PTPRZ1: variants seen among roughly 807,000 people sequenced by gnomAD.
The protein encoded by PTPRZ1 is receptor-type tyrosine-protein phosphatase zeta.
A neutral mutation model predicts 214.1 loss-of-function variants in PTPRZ1; 82 were observed. The observed-to-expected ratio is 0.38, with a 90% CI of 0.32 to 0.46. PTPRZ1 has a LOEUF of 0.46. PTPRZ1 is among the 20% of genes least tolerant of loss of function. The probability of loss-of-function intolerance (pLI) is 1.00; values close to 1 mark genes in which losing one functional copy is unlikely to be tolerated. For missense variants in PTPRZ1, 2,603 were observed against 2,748.7 expected (o/e 0.95, Z 1.19); for synonymous variants, 945 against 987.9 (o/e 0.96, Z 0.81).
chr7:121,994,028 C>A (rs903589324), intron 8 of PTPRZ1, among the ~76,000 whole-genome samples: 3 of 152,128 alleles, frequency 2.0e-5, no homozygotes, highest in Admixed American at 2.0e-4. Context: ...TACAGATTTA[C>A]AAGGAGGAGA....
intron 2 of PTPRZ1, among the ~76,000 whole-genome samples, chr7:121,944,425 C>T (rs775706120): frequency 5.3e-5 from 8 of 151,954 alleles, no homozygotes; most frequent in Non-Finnish European, 1.2e-4. Flanking sequence ...ATAATAATTT[C>T]CTTCTAATAT....
At chr7:121,900,169 A>G (rs1794916137) in intron 1 of PTPRZ1, among the ~76,000 whole-genome samples, 1 of 152,174 alleles carries the variant, frequency 6.6e-6, no homozygotes, top group African/African-American at 2.4e-5. Context: ...AGGAAGAAAC[A>G]TGACCAGGGA....
At chr7:121,924,267 T>C (rs537788516) in intron 1 of PTPRZ1, among the ~76,000 whole-genome samples, 1 of 152,322 alleles carries the variant, frequency 6.6e-6, no homozygotes, top group East Asian at 1.9e-4. Flanking sequence ...AGCACTTTGA[T>C]AGATTCTTTT....
chr7:121,985,052 G>A (rs1470258516), intron 8 of PTPRZ1, among the ~76,000 whole-genome samples: 2 of 151,948 alleles, frequency 1.3e-5, no homozygotes, highest in African/African-American at 2.4e-5. Flanking sequence ...TTGAAGATTA[G>A]GCATTAAAAC....
At chr7:121,949,277 C>T (rs748585671) in intron 2 of PTPRZ1, among the ~76,000 whole-genome samples, 1 of 152,272 alleles carries the variant, frequency 6.6e-6, no homozygotes, top group East Asian at 1.9e-4. Flanking sequence ...AGAGGGGTGA[C>T]TTTAATTAGA....
Position 122,040,861 on chromosome 7 carries a change from C to G in PTPRZ1, c.5683C>G (p.His1895Asp). 2 of 1,602,614 alleles carry G rather than the reference C, an allele frequency of 1.2e-6. No individual in the cohort carries two copies. Among genetic ancestry groups the G allele is most frequent in the Non-Finnish European group, 1.7e-6 (2 of 1,172,170 alleles). ...RPSGRVVTQYHYTQWPDMGVP... is the reference protein window; with the variant it reads ...RPSGRVVTQYDYTQWPDMGVP... ...CAGTGGACGTGTGGTCACACAGTAT[C>G]ACTACACGCAGTGGCCTGACATGGG... The change falls in exon 21 of 30, where the codon CAC becomes GAC. Residue 1895 changes from histidine to aspartate, a missense_variant. His to Asp is a moderately conservative substitution (Grantham distance 81). Transcript: ENST00000393386.
intron 2 of PTPRZ1, among the ~76,000 whole-genome samples, chr7:121,956,640 T>C (rs958577353): frequency 6.6e-6 from 1 of 152,268 alleles, no homozygotes; most frequent in Non-Finnish European, 1.5e-5. Context: ...GATTGCCTGA[T>C]GCATTGGTGA....
At chr7:122,029,488 A>C (rs1799308695) in intron 14 of PTPRZ1, among the ~76,000 whole-genome samples, 1 of 151,984 alleles carries the variant, frequency 6.6e-6, no homozygotes, top group Admixed American at 6.6e-5. Context: ...GTGGTCTAGA[A>C]TTGTGTGATC....
At chr7:122,042,435 C>A (rs77963794) in intron 21 of PTPRZ1, among the ~76,000 whole-genome samples, 173 bp from the exon 22 acceptor site, 1,866 of 152,272 alleles carry the variant, frequency 0.012, 19 homozygotes, top group Non-Finnish European at 0.019. Flanking sequence ...TTGTGTAAAG[C>A]ATTACGCTTA....
At chr7:121,903,770 G>A (rs1795037397) in intron 1 of PTPRZ1, among the ~76,000 whole-genome samples, 1 of 152,138 alleles carries the variant, frequency 6.6e-6, no homozygotes, top group Admixed American at 6.6e-5. Context: ...GCAAGAAGAA[G>A]AGAGTTAATC....
intron 23 of PTPRZ1, among the ~76,000 whole-genome samples, chr7:122,047,702 G>A (rs929730922): frequency 1.9e-4 from 28 of 150,244 alleles, no homozygotes; most frequent in Non-Finnish European, 3.0e-4. Flanking sequence ...AGGCTGGAGT[G>A]CAGAGGCACA....
chr7:122,010,712 A>C lies in PTPRZ1; in HGVS notation c.1666A>C (p.Thr556Pro). ...ATCTCCACATATGAACTTGTCGGGG[A>C]CTGCAGAATCCTTAAATACAGTTTC... is the stretch of plus-strand genomic sequence containing the variant. ...LRSPHMNLSG[T>P]AESLNTVSIT... The change falls in exon 12 of 30, where the codon ACT (threonine) becomes CCT (proline). Residue 556 changes from threonine to proline, a missense_variant. Thr to Pro is a conservative substitution (Grantham distance 38). Transcript: ENST00000393386. 6.2e-7 allele frequency: 1 copy of C among 1,613,976 alleles called. No homozygotes were observed. The highest frequency in any genetic ancestry group is 8.5e-7 in the Non-Finnish European group (1 of 1,179,938).
chr7:121,989,312 T>TTACA (rs1797868781), intron 8 of PTPRZ1, among the ~76,000 whole-genome samples: 1 of 152,136 alleles, frequency 6.6e-6, no homozygotes, highest in African/African-American at 2.4e-5. Context: ...TCACGAGTCT[T>TTACA]TACACTCAAT....
At chr7:121,974,293 A>G (rs1292403132) in intron 4 of PTPRZ1, among the ~76,000 whole-genome samples, 2 of 152,194 alleles carry the variant, frequency 1.3e-5, no homozygotes, top group Non-Finnish European at 2.9e-5. Context: ...ATTAAGCAAC[A>G]TATCACTTCT....
rs371531195 is a variant in PTPRZ1, at chr7:121,996,460, G to A, written c.1007G>A (p.Arg336Gln). Reference protein sequence around the residue: ...TSLLVTWERPRVVYDTMIEKF... With the variant: ...TSLLVTWERPQVVYDTMIEKF... Reference sequence around the variant, plus strand: ...CTTCTTGTTACATGGGAAAGACCTCGAGTCGTTTATGATACCATGATTGAG... The same window carrying A: ...CTTCTTGTTACATGGGAAAGACCTCAAGTCGTTTATGATACCATGATTGAG... The change falls in exon 9 of 30, where the codon CGA (arginine) becomes CAA (glutamine). Residue 336 changes from arginine (R) to glutamine (Q), a missense_variant. Coordinates refer to ENST00000393386, the MANE Select transcript of PTPRZ1 (RefSeq NM_002851.3). 6.2e-6 allele frequency: 10 copies of A among 1,613,448 alleles called. No individual in the cohort carries two copies. Among genetic ancestry groups the A allele is most frequent in the South Asian group, 4.4e-5 (4 of 91,018 alleles).
At chr7:121,911,087 G>C (rs933173821) in intron 1 of PTPRZ1, among the ~76,000 whole-genome samples, 4 of 152,058 alleles carry the variant, frequency 2.6e-5, no homozygotes, top group African/African-American at 9.7e-5. Context: ...TTGCCTGTAA[G>C]TTACAAATAC....
Position 122,004,641 on chromosome 7 carries a change from G to T in PTPRZ1, c.1268G>T (p.Gly423Val). 1 of 1,359,478 alleles carries T rather than the reference G, an allele frequency of 7.4e-7. No individual in the cohort carries two copies. The allele number at this position is 1,359,478 out of a possible 1,614,324, so 84.2% of individuals were successfully genotyped here. Residue 423 changes from glycine to valine, a missense_variant, in exon 11 of 30, where the codon GGA becomes GTA. By Grantham distance (109) the Gly-to-Val change is moderately radical (BLOSUM62 -3). Around this residue, in one of 6 missense-constraint regions of PTPRZ1, gnomAD observed 244 missense variants for 333.2 expected, o/e 0.73. Coordinates refer to ENST00000393386, the MANE Select transcript of PTPRZ1 (RefSeq NM_002851.3). ...PELDLFPELI[G>V]TEEIIKEEEE... ...CTTGATCTTTTCCCTGAATTAATTGGAACTGAAGAAATAATCAAGGTATCA... is the reference window on the plus strand; with the variant it reads ...CTTGATCTTTTCCCTGAATTAATTGTAACTGAAGAAATAATCAAGGTATCA...
At chr7:121,894,707 T>G (rs1408620548) in intron 1 of PTPRZ1, among the ~76,000 whole-genome samples, 1 of 152,190 alleles carries the variant, frequency 6.6e-6, no homozygotes, top group Non-Finnish European at 1.5e-5. Flanking sequence ...CACCTGGTCC[T>G]AAATTGCCTT....
Position 122,038,879 on chromosome 7 carries a change from A to T in PTPRZ1, c.5492A>T (p.Glu1831Val), listed in dbSNP as rs1799630495. Residue 1831 changes from glutamate to valine, a missense_variant, in exon 19 of 30, where the codon GAG becomes GTG. Glu to Val is a moderately radical substitution (Grantham distance 121). Transcript: ENST00000393386. ...EVIVMITNLV[E>V]KGRRKCDQYW... Reference sequence around the variant, plus strand: ...ATTGTCATGATAACAAACCTCGTGGAGAAAGGAAGGGTATGTAGATAATCT... The same window carrying T: ...ATTGTCATGATAACAAACCTCGTGGTGAAAGGAAGGGTATGTAGATAATCT... 1 of 1,613,912 alleles carries T rather than the reference A, an allele frequency of 6.2e-7. No homozygotes were observed.
Sources: allele counts gnomAD v4.1 joint callset (sites outside exome capture counted in the v4.1 genomes callset), GRCh38; gene constraint gnomAD v4.1.1; regional missense constraint gnomAD v4.1.1; transcripts MANE v1.5; gene names NCBI Gene and HGNC (gene_info 2026-07-23, HGNC 2026-07-21).